Variants in SLC12A6 observed in about 807,000 individuals in gnomAD.
SLC12A6 encodes solute carrier family 12 member 6.
A neutral mutation model predicts 135.3 loss-of-function variants in SLC12A6; 66 were observed. The ratio of observed to expected loss-of-function variants is 0.49; its 90% CI spans 0.40 to 0.60. The LOEUF is 0.60. SLC12A6 is among the 20% of genes least tolerant of loss of function. The pLI is 0.00. For missense variants in SLC12A6, 1,058 were observed against 1,452.3 expected (o/e 0.73, Z 4.41); for synonymous variants, 513 against 508.8 (o/e 1.01, Z -0.11).
chr15:34,296,182 G>A (rs944841701), intron 2 of SLC12A6, among the ~76,000 whole-genome samples: 3 of 152,100 alleles, frequency 2.0e-5, no homozygotes, highest in Admixed American at 6.6e-5. Flanking sequence ...ATGCTGTGGG[G>A]AACAAGAGTG....
chr15:34,283,292 G>A (rs2140925238), intron 2 of SLC12A6, among the ~76,000 whole-genome samples: 1 of 152,232 alleles, frequency 6.6e-6, no homozygotes, highest in East Asian at 1.9e-4. Flanking sequence ...GCAGTGACCG[G>A]AGACTGCACC....
chr15:34,285,714 TTGTC>T (rs200868647), intron 2 of SLC12A6, among the ~76,000 whole-genome samples: 24,046 of 137,636 alleles, frequency 0.17, 2,736 homozygotes, highest in East Asian at 0.31. Flanking sequence ...GTGTGTGTGT[TTGTC>T]ATACATAAAA....
chr15:34,251,619 A>T (rs568327146), intron 10 of SLC12A6, among the ~76,000 whole-genome samples: 2 of 152,378 alleles, frequency 1.3e-5, no homozygotes, highest in East Asian at 3.9e-4. Flanking sequence ...AATATAGTTT[A>T]ACTTTACTAA....
intron 3 of SLC12A6, among the ~76,000 whole-genome samples, chr15:34,273,388 C>T (rs1213398706): frequency 6.6e-6 from 1 of 152,098 alleles, no homozygotes; most frequent in Non-Finnish European, 1.5e-5. Context: ...AAACCTCTAA[C>T]ATCACACGGT....
rs541789323 is a variant in SLC12A6, at chr15:34,285,753, A to G, written c.272-10364T>C. Among the ~76,000 whole-genome samples, 4 of 89,112 alleles carry G rather than the reference A, an allele frequency of 4.5e-5. No homozygotes were observed. The East Asian group carries it at 1.9e-3, about 41-fold the overall frequency. The allele number at this position is 89,112 out of a possible 152,430, so 58.5% of individuals were successfully genotyped here. On this transcript the variant is annotated intron_variant, in intron 2 of 25. Coordinates refer to ENST00000354181, the MANE Select transcript of SLC12A6 (RefSeq NM_001365088.1). ...ATGGAATATTATTCAACCTTTAAAA[A>G]GGAAGGAAATTCAGACACATGCTAC... is the stretch of plus-strand genomic sequence containing the variant.
intron 25 of SLC12A6, among the ~76,000 whole-genome samples, chr15:34,234,497 G>A (rs901392991): frequency 4.6e-5 from 7 of 151,672 alleles, no homozygotes; most frequent in East Asian, 3.9e-4. Flanking sequence ...TCAGCCTCCC[G>A]AGTAGCTGGG....
intron 2 of SLC12A6, among the ~76,000 whole-genome samples, chr15:34,302,503 C>T (rs1226581384): frequency 6.6e-6 from 1 of 151,994 alleles, no homozygotes; most frequent in Non-Finnish European, 1.5e-5. Context: ...TGAGACCAGC[C>T]TGTCCAACAT....
intron 2 of SLC12A6, among the ~76,000 whole-genome samples, chr15:34,325,145 G>C (rs1209500919): frequency 1.3e-5 from 2 of 152,108 alleles, no homozygotes; most frequent in Admixed American, 6.5e-5. Flanking sequence ...TCTTACAGGA[G>C]AATGAGCTGT....
chr15:34,332,418 A>G (rs759163152), intron 2 of SLC12A6, among the ~76,000 whole-genome samples: 3 of 152,232 alleles, frequency 2.0e-5, no homozygotes, highest in Admixed American at 6.5e-5. Flanking sequence ...ATTTCCTACA[A>G]TTAATACCAG....
chr15:34,238,197 A>G (rs921026497), intron 21 of SLC12A6, 35 bp downstream of exon 21: 1 of 1,489,774 alleles, frequency 6.7e-7, no homozygotes, highest in Non-Finnish European at 9.4e-7. Flanking sequence ...CAGAAGGGAG[A>G]AAGACTTTTG....
intron 2 of SLC12A6, among the ~76,000 whole-genome samples, chr15:34,276,513 C>T (rs1403038854): frequency 6.6e-6 from 1 of 152,146 alleles, no homozygotes; most frequent in Non-Finnish European, 1.5e-5. Context: ...GCACTAAGAG[C>T]TAAAAACAGA....
chr15:34,282,789 G>A (rs1894772213), intron 2 of SLC12A6, among the ~76,000 whole-genome samples: 1 of 152,168 alleles, frequency 6.6e-6, no homozygotes, highest in African/African-American at 2.4e-5. Flanking sequence ...GGTTACAACA[G>A]TCATGGGGTA....
intron 20 of SLC12A6, 27 bp downstream of exon 20, chr15:34,238,938 T>G: frequency 6.3e-7 from 1 of 1,589,816 alleles, no homozygotes; most frequent in Non-Finnish European, 8.6e-7. Context: ...CTTGGGCCTT[T>G]AGGTTTGTAT....
chr15:34,241,074 GA>G, intron 18 of SLC12A6, 158 bp downstream of exon 18: 2 of 666,166 alleles, frequency 3.0e-6, no homozygotes, highest in South Asian at 3.4e-5. Flanking sequence ...ACGACATGAA[GA>G]AAAGGGAATA....
chr15:34,288,050 C>G (rs1466196065), intron 2 of SLC12A6, among the ~76,000 whole-genome samples: 1 of 152,138 alleles, frequency 6.6e-6, no homozygotes, highest in East Asian at 1.9e-4. Flanking sequence ...GAAGTCTTTG[C>G]CTATGCCTGT....
chr15:34,337,272 C>A, intron 1 of SLC12A6, 60 bp downstream of exon 1: 1 of 165,866 alleles, frequency 6.0e-6, no homozygotes, highest in Non-Finnish European at 1.3e-5. Flanking sequence ...TTTTTGATGT[C>A]GACAATCCAC....
intron 15 of SLC12A6, among the ~76,000 whole-genome samples, chr15:34,244,545 A>G (rs140044180): frequency 6.6e-5 from 10 of 152,290 alleles, no homozygotes; most frequent in African/African-American, 2.4e-4. Context: ...CACTACTTCC[A>G]GGTAAAAGTT....
chr15:34,331,053 A>G (rs558017834), intron 2 of SLC12A6, among the ~76,000 whole-genome samples: 37 of 152,180 alleles, frequency 2.4e-4, no homozygotes, highest in African/African-American at 8.9e-4. Flanking sequence ...AAAAATAATA[A>G]TAACAATAAT....
chr15:34,252,925 A>C (rs1892494131), intron 9 of SLC12A6, among the ~76,000 whole-genome samples: 1 of 152,248 alleles, frequency 6.6e-6, no homozygotes, highest in Admixed American at 6.5e-5. Flanking sequence ...TCTTCTGGCT[A>C]CTGTTGCAAG....
Sources: gnomAD v4.1 joint callset for allele counts (sites outside exome capture counted in the v4.1 genomes callset) on GRCh38, gnomAD v4.1.1 for gene constraint, MANE v1.5 for transcripts, NCBI Gene and HGNC (gene_info 2026-07-23, HGNC 2026-07-21) for gene names.